Variants in SPON1 observed in about 807,000 individuals in gnomAD.
SPON1 encodes the protein spondin 1, also known as spondin-1.
In SPON1, 52 loss-of-function variants were observed where a neutral mutation model predicts 111.7. The ratio of observed to expected loss-of-function variants is 0.47; its 90% CI spans 0.37 to 0.59. The LOEUF is 0.59. SPON1 is among the 20% of genes least tolerant of loss of function. The pLI is 0.00. For synonymous variants in SPON1, 410 were observed against 395.8 expected, an observed-to-expected ratio of 1.04 and a Z score of -0.43; for missense variants, 957 against 1,068.5, an observed-to-expected ratio of 0.90 and a Z score of 1.46.
At chr11:14,027,424 G>A (rs111653289) in intron 2 of SPON1, among the ~76,000 whole-genome samples, 1 of 152,204 alleles carries the variant, frequency 6.6e-6, no homozygotes, top group African/African-American at 2.4e-5. Context: ...AGCTTCAGTT[G>A]CTTCTGTGAG....
At chr11:14,171,548 T>C (rs1848100725) in intron 6 of SPON1, among the ~76,000 whole-genome samples, 1 of 152,216 alleles carries the variant, frequency 6.6e-6, no homozygotes, top group African/African-American at 2.4e-5. Context: ...TGAATGTGTT[T>C]GCTCTTGCTT....
At chr11:14,039,947 TGTA>T (rs1554917109) in intron 2 of SPON1, among the ~76,000 whole-genome samples, 1 of 152,182 alleles carries the variant, frequency 6.6e-6, no homozygotes, top group African/African-American at 2.4e-5. Context: ...GATGATCAAA[TGTA>T]GTAACATTAA....
At chr11:14,173,711 T>C (rs531209765) in intron 6 of SPON1, among the ~76,000 whole-genome samples, 1 of 152,322 alleles carries the variant, frequency 6.6e-6, no homozygotes, top group Admixed American at 6.5e-5. Flanking sequence ...CTTCTAACAG[T>C]CAGGACCCTC....
chr11:14,114,055 C>T (rs1401479792), intron 5 of SPON1, among the ~76,000 whole-genome samples: 1 of 152,154 alleles, frequency 6.6e-6, no homozygotes, highest in East Asian at 1.9e-4. Flanking sequence ...GAGTTACAAA[C>T]AATCCAATTA....
chr11:14,260,638 G>A lies in SPON1; in HGVS notation c.1882G>A (p.Val628Met), dbSNP rs782614444. 5.5e-5 allele frequency: 89 copies of A among 1,613,854 alleles called. 1 individual carries two copies. The highest frequency in any genetic ancestry group is 4.0e-4 in the Admixed American group (24 of 59,978). Reference sequence around the variant, plus strand: ...ATGGTCCGAGTGGAGTGACTGCAGCGTGACCTGCGGGAAGGGCATGCGAAC... The same window carrying A: ...ATGGTCCGAGTGGAGTGACTGCAGCATGACCTGCGGGAAGGGCATGCGAAC... Reference protein sequence around the residue: ...SPWSEWSDCSVTCGKGMRTRQ... With the variant: ...SPWSEWSDCSMTCGKGMRTRQ... The change falls in exon 14 of 16, where the codon GTG becomes ATG. Residue 628 changes from valine (V) to methionine (M), a missense_variant. By Grantham distance (21) the Val-to-Met change is conservative. Transcript: ENST00000576479.
intron 11 of SPON1, among the ~76,000 whole-genome samples, chr11:14,258,548 T>C (rs1195469932): frequency 5.3e-5 from 8 of 152,214 alleles, no homozygotes; most frequent in East Asian, 3.8e-4. Flanking sequence ...CCTGATCTTA[T>C]AGGATGCCAT....
intron 6 of SPON1, among the ~76,000 whole-genome samples, chr11:14,198,910 G>A (rs782497430): frequency 3.9e-5 from 6 of 152,114 alleles, no homozygotes; most frequent in Admixed American, 6.5e-5. Flanking sequence ...AAACTGACTC[G>A]AGTAAGGCAA....
At chr11:14,159,536 T>G (rs1248631844) in intron 6 of SPON1, among the ~76,000 whole-genome samples, 1 of 152,084 alleles carries the variant, frequency 6.6e-6, no homozygotes, top group Non-Finnish European at 1.5e-5. Context: ...CTGCTGGGTA[T>G]AGATCCAAAA....
intron 6 of SPON1, among the ~76,000 whole-genome samples, chr11:14,232,217 C>G (rs1317137430): frequency 1.3e-5 from 2 of 152,048 alleles, no homozygotes; most frequent in African/African-American, 4.8e-5. Context: ...TCCCCCTCAC[C>G]CTTCCCGGCT....
chr11:14,000,661 C>T (rs74544452), intron 2 of SPON1, among the ~76,000 whole-genome samples: 2,828 of 152,050 alleles, frequency 0.019, 85 homozygotes, highest in African/African-American at 0.063. Context: ...CCCATTTTCC[C>T]CCCAAAGTCA....
intron 6 of SPON1, among the ~76,000 whole-genome samples, chr11:14,184,275 C>T (rs1848263877): frequency 1.3e-5 from 2 of 152,170 alleles, no homozygotes; most frequent in African/African-American, 4.8e-5. Context: ...ATAGCTATTA[C>T]AATCATGATT....
At chr11:14,204,478 A>G (rs1554935974) in intron 6 of SPON1, among the ~76,000 whole-genome samples, 1 of 151,772 alleles carries the variant, frequency 6.6e-6, no homozygotes, top group African/African-American at 2.4e-5. Flanking sequence ...TGTAGGGACA[A>G]GGTCTCACTA....
chr11:14,210,937 C>T (rs542500426), intron 6 of SPON1, among the ~76,000 whole-genome samples: 1 of 152,204 alleles, frequency 6.6e-6, no homozygotes, highest in Admixed American at 6.5e-5. Context: ...ATTTCTGAGG[C>T]CTCTGTTCTG....
intron 6 of SPON1, among the ~76,000 whole-genome samples, chr11:14,220,008 G>A (rs1848663891): frequency 6.6e-6 from 1 of 151,308 alleles, no homozygotes; most frequent in African/African-American, 2.4e-5. Flanking sequence ...GATTGCTTGA[G>A]CCCAAGAGGT....
intron 6 of SPON1, among the ~76,000 whole-genome samples, chr11:14,161,199 A>C (rs1367937748): frequency 7.2e-4 from 69 of 96,100 alleles, no homozygotes; most frequent in South Asian, 1.5e-3. Flanking sequence ...ATCTATATAT[A>C]TTTATATATT....
chr11:14,157,075 T>G (rs1847856863), intron 6 of SPON1, among the ~76,000 whole-genome samples: 1 of 152,178 alleles, frequency 6.6e-6, no homozygotes, highest in Non-Finnish European at 1.5e-5. Context: ...TCATATATAT[T>G]TTAACCCTAC....
chr11:14,240,650 A>G (rs1848915776), intron 6 of SPON1, among the ~76,000 whole-genome samples: 1 of 145,218 alleles, frequency 6.9e-6, no homozygotes, highest in South Asian at 2.3e-4. Flanking sequence ...TATATATTAC[A>G]AAAGCAAAAT....
rs3047371 is a variant in SPON1 at position 14,095,404 on chromosome 11, C to CTAGATAGA, written c.676+15422_676+15429dup. On this transcript the variant is annotated intron_variant, in intron 5 of 15. Coordinates refer to ENST00000576479, the MANE Select transcript of SPON1 (RefSeq NM_006108.4). ...CAACAGGAGATAGATAAATGAGAGA[C>CTAGATAGA]TAGATAGATAGATAGATAGATAGAT... 5.6e-3 allele frequency among the ~76,000 whole-genome samples: 830 copies of CTAGATAGA among 148,312 alleles called. 3 individuals carry two copies. The highest frequency in any genetic ancestry group is 7.8e-3 in the East Asian group (39 of 5,018).
rs1158077913 is a variant in SPON1, at chr11:14,160,762, T to TTA, written c.825+25200_825+25201dup. Among the ~76,000 whole-genome samples, 16 of 43,684 alleles carry TTA rather than the reference T, an allele frequency of 3.7e-4. 4 individuals are homozygous for TTA. The highest frequency in any genetic ancestry group is 1.9e-3 in the East Asian group (2 of 1,052). The allele number at this position is 43,684 out of a possible 152,430, so 28.7% of individuals were successfully genotyped here. On this transcript the variant is annotated intron_variant, in intron 6 of 15. Coordinates refer to ENST00000576479, the MANE Select transcript of SPON1 (RefSeq NM_006108.4). ...TTAATTTATATATATTTATATATAT[T>TTA]TATATATTTATATATATTTTTATAT...
Sources: allele counts gnomAD v4.1 joint callset (sites outside exome capture counted in the v4.1 genomes callset), GRCh38; gene constraint gnomAD v4.1.1; transcripts MANE v1.5; gene names NCBI Gene and HGNC (gene_info 2026-07-23, HGNC 2026-07-21).